The following DNAH6 variants were observed in gnomAD, a reference collection of about 807,000 sequenced individuals.
The protein encoded by DNAH6 is axonemal beta dynein heavy chain 6.
DNAH6 carries 340 observed loss-of-function variants against 491.4 expected under a neutral mutation model. That is an observed-to-expected ratio of 0.69 (90% CI 0.63 to 0.76). The LOEUF is 0.76. Among genes scored for constraint, DNAH6 ranks in the 30% least tolerant of loss-of-function variants. The probability of loss-of-function intolerance (pLI) is 0.00; values close to 1 mark genes in which losing one functional copy is unlikely to be tolerated. For synonymous variants in DNAH6, 1,603 were observed against 1,686.1 expected (o/e 0.95, Z 1.21); for missense variants, 4,443 against 4,972.2 (o/e 0.89, Z 3.20).
At chr2:84,815,377 A>AAG (rs1204911062) in intron 75 of DNAH6, among the ~76,000 whole-genome samples, 2 of 135,370 alleles carry the variant, frequency 1.5e-5, no homozygotes, top group Non-Finnish European at 3.3e-5. Flanking sequence ...CCACAATTGG[A>AAG]AAAAAAAAAA....
At chr2:84,542,479 G>A (rs1296318179) in intron 4 of DNAH6, among the ~76,000 whole-genome samples, 1 of 152,166 alleles carries the variant, frequency 6.6e-6, no homozygotes, top group African/African-American at 2.4e-5. Flanking sequence ...CAAAAAGTCA[G>A]ATAGTGGTAT....
chr2:84,503,971 A>C, the DNAH6 span, among the ~76,000 whole-genome samples: 169 of 152,136 alleles, frequency 1.1e-3, 1 homozygote, highest in Non-Finnish European at 1.9e-3. Flanking sequence ...CTCTGTTATT[A>C]TCTCTTTGAA....
At chr2:84,813,237 G>A (rs757204182) in intron 74 of DNAH6, 107 bp downstream of exon 74, 2 of 819,732 alleles carry the variant, frequency 2.4e-6, no homozygotes, top group Non-Finnish European at 4.0e-6. Flanking sequence ...CTAGCAATGA[G>A]GCTATTGATC....
At chr2:84,562,726 C>T (rs1008043741) in intron 11 of DNAH6, among the ~76,000 whole-genome samples, 4 of 152,184 alleles carry the variant, frequency 2.6e-5, no homozygotes, top group Admixed American at 6.5e-5. Flanking sequence ...TGGAGTCACA[C>T]GGGAGGCACT....
chr2:84,512,515 C>A (rs1435524372), upstream of DNAH6, among the ~76,000 whole-genome samples: 1 of 152,164 alleles, frequency 6.6e-6, no homozygotes, highest in Non-Finnish European at 1.5e-5. Flanking sequence ...AACACTGTTG[C>A]ATTGAGGATT....
chr2:84,763,564 C>T (rs1674789325), intron 64 of DNAH6, among the ~76,000 whole-genome samples: 1 of 152,096 alleles, frequency 6.6e-6, no homozygotes, highest in African/African-American at 2.4e-5. Context: ...CTCAGATCCA[C>T]GAGGTAGCCT....
upstream of DNAH6, among the ~76,000 whole-genome samples, chr2:84,515,893 A>G (rs2104388948): frequency 6.6e-6 from 1 of 152,344 alleles, no homozygotes; most frequent in Non-Finnish European, 1.5e-5. Flanking sequence ...ATACGGGCTC[A>G]TCCTATGCCT....
chr2:84,775,603 A>G (rs1374494422), intron 64 of DNAH6, among the ~76,000 whole-genome samples: 2 of 152,068 alleles, frequency 1.3e-5, no homozygotes, highest in East Asian at 1.9e-4. Context: ...TATTCTTTGT[A>G]TATCTGGTAG....
chr2:84,570,778 G>C (rs1488245522), intron 11 of DNAH6, among the ~76,000 whole-genome samples: 6 of 152,138 alleles, frequency 3.9e-5, no homozygotes. Flanking sequence ...ACCCACTCGG[G>C]TCCCCTTCCA....
intron 68 of DNAH6, among the ~76,000 whole-genome samples, chr2:84,790,206 T>C (rs922058821): frequency 3.3e-5 from 5 of 152,124 alleles, no homozygotes; most frequent in African/African-American, 9.7e-5. Context: ...CAATTGGGTG[T>C]CCATATACAA....
chr2:84,601,314 GTGAT>G lies in DNAH6; in HGVS notation c.2869-3021_2869-3018del, dbSNP rs1573176018. On this transcript the variant is annotated intron_variant, in intron 18 of 76. Coordinates refer to ENST00000389394, the MANE Select transcript of DNAH6 (RefSeq NM_001370.2). Reference sequence around the variant, plus strand: ...CATGAATTCATACTGATATAAATGAGTGATTGAATGAATGAGTGAATAACTTTAT... The same window carrying G: ...CATGAATTCATACTGATATAAATGAGTGAATGAATGAGTGAATAACTTTAT... Among the ~76,000 whole-genome samples, 3 of 152,106 alleles carry G rather than the reference GTGAT, an allele frequency of 2.0e-5. No homozygotes were observed. The Middle Eastern group carries it at 0.01, about 517-fold the overall frequency.
chr2:84,752,536 A>G (rs1189495219), intron 63 of DNAH6, among the ~76,000 whole-genome samples: 1 of 152,162 alleles, frequency 6.6e-6, no homozygotes, highest in African/African-American at 2.4e-5. Context: ...AGATCTTCAC[A>G]GAGTTGTGCA....
intron 42 of DNAH6, among the ~76,000 whole-genome samples, chr2:84,681,874 G>A (rs1272197257): frequency 1.3e-5 from 2 of 151,816 alleles, no homozygotes; most frequent in Non-Finnish European, 1.5e-5. Flanking sequence ...TTCTAATACC[G>A]AACCCAGTCC....
At chr2:84,574,727 T>G (rs1362959808) in intron 12 of DNAH6, among the ~76,000 whole-genome samples, 1 of 152,176 alleles carries the variant, frequency 6.6e-6, no homozygotes, top group African/African-American at 2.4e-5. Flanking sequence ...ATGCCTCCTG[T>G]GCTATGTCAT....
chr2:84,590,320 C>G (rs978672911), intron 16 of DNAH6, among the ~76,000 whole-genome samples: 4 of 151,768 alleles, frequency 2.6e-5, no homozygotes, highest in Non-Finnish European at 5.9e-5. Context: ...ATGATAAAAC[C>G]CCATCTCTAC....
intron 36 of DNAH6, 148 bp downstream of exon 36, chr2:84,658,622 G>T: frequency 1.7e-6 from 1 of 576,652 alleles, no homozygotes; most frequent in Non-Finnish European, 2.9e-6. Context: ...GTCATTCTTA[G>T]AATCTCAAAG....
chr2:84,813,907 G>A, intron 74 of DNAH6, 64 bp from the exon 75 acceptor site: 6 of 1,514,482 alleles, frequency 4.0e-6, no homozygotes, highest in African/African-American at 1.4e-5. Context: ...TTGGATGAAG[G>A]GGAATAGTGC....
rs1409407462 is a variant in DNAH6, at chr2:84,815,932, G to A, written c.12222G>A (p.Glu4074=). The A allele has an allele frequency of 6.4e-7, 1 of 1,551,756 alleles. No individual in the cohort carries two copies. Among genetic ancestry groups the A allele is most frequent in the East Asian group, 2.4e-5 (1 of 40,928 alleles). ...FMDASRWDDK[E]MVIEDALPGQ... ...ATGCTTCTCGATGGGATGATAAGGAGATGGTGATAGAAGATGCATTGCCCG... is the reference window on the plus strand; with the variant it reads ...ATGCTTCTCGATGGGATGATAAGGAAATGGTGATAGAAGATGCATTGCCCG... Residue 4074 remains glutamate, a synonymous_variant, in exon 76 of 77, where the codon GAG becomes GAA. Coordinates refer to ENST00000389394, the MANE Select transcript of DNAH6 (RefSeq NM_001370.2).
At chr2:84,788,657 A>AT (rs1000291975) in intron 68 of DNAH6, among the ~76,000 whole-genome samples, 2 of 152,168 alleles carry the variant, frequency 1.3e-5, no homozygotes, top group Admixed American at 6.5e-5. Flanking sequence ...GCTTTATCAC[A>AT]TTTTTTGTTT....
Sources: gnomAD v4.1 joint callset for allele counts (sites outside exome capture counted in the v4.1 genomes callset) on GRCh38, gnomAD v4.1.1 for gene constraint, MANE v1.5 for transcripts, NCBI Gene and HGNC (gene_info 2026-07-23, HGNC 2026-07-21) for gene names.